Variants in CRPPA observed in about 807,000 individuals in gnomAD.
CRPPA encodes the protein CDP-L-ribitol pyrophosphorylase A, also known as D-ribitol-5-phosphate cytidylyltransferase.
In CRPPA, 43 loss-of-function variants were observed where a neutral mutation model predicts 52.0. The ratio of observed to expected loss-of-function variants is 0.83; its 90% CI spans 0.65 to 1.07. The LOEUF (loss-of-function observed/expected upper bound fraction) is 1.07. CRPPA is among the 50% of genes least tolerant of loss of function. The pLI is 0.00. For missense variants in CRPPA, 629 were observed against 551.7 expected, an observed-to-expected ratio of 1.14 and a Z score of -1.40; for synonymous variants, 250 against 203.5, an observed-to-expected ratio of 1.23 and a Z score of -1.94.
intron 3 of CRPPA, among the ~76,000 whole-genome samples, chr7:16,368,979 A>G (rs988487143): frequency 2.6e-5 from 4 of 152,182 alleles, no homozygotes; most frequent in Non-Finnish European, 4.4e-5. Context: ...GTCTACATAT[A>G]TGTATACACA....
chr7:16,175,678 G>C (rs1308920754), intron 9 of CRPPA, among the ~76,000 whole-genome samples: 1 of 152,012 alleles, frequency 6.6e-6, no homozygotes, highest in Non-Finnish European at 1.5e-5. Flanking sequence ...TTCTATGCTA[G>C]TCTACAAAGT....
chr7:16,312,715 G>A (rs1315966483), intron 3 of CRPPA, among the ~76,000 whole-genome samples: 1 of 151,910 alleles, frequency 6.6e-6, no homozygotes, highest in African/African-American at 2.4e-5. Flanking sequence ...AATGTTAGCT[G>A]CAGGTGTTCT....
chr7:16,290,878 A>G (rs1241406031), intron 5 of CRPPA, among the ~76,000 whole-genome samples: 1 of 152,072 alleles, frequency 6.6e-6, no homozygotes, highest in East Asian at 1.9e-4. Flanking sequence ...GATATTTGCA[A>G]ACTTTCATTC....
chr7:16,295,162 A>G (rs1784645827), intron 5 of CRPPA, among the ~76,000 whole-genome samples: 1 of 152,120 alleles, frequency 6.6e-6, no homozygotes, highest in Admixed American at 6.6e-5. Flanking sequence ...CTATCGGTAT[A>G]GTTTTTCAGA....
chr7:16,384,039 T>C (rs1008962056), intron 2 of CRPPA, among the ~76,000 whole-genome samples: 10 of 152,154 alleles, frequency 6.6e-5, no homozygotes, highest in Admixed American at 6.5e-4. Flanking sequence ...CCTAGTGAGA[T>C]GAACCCAGTA....
At chr7:16,315,180 T>C (rs1785119024) in intron 3 of CRPPA, among the ~76,000 whole-genome samples, 1 of 152,174 alleles carries the variant, frequency 6.6e-6, no homozygotes, top group African/African-American at 2.4e-5. Context: ...ATTCTTCATT[T>C]TTATGATAGT....
At position 16,306,209 on chromosome 7, in the gene CRPPA, T is replaced by G. The variant is rs1168347239; in HGVS notation, c.789+2314A>C. ...CATCTGCAAAGACACTATTTCCAAA[T>G]AAGGTCACATTCACAGGTGCCACGG... is the stretch of plus-strand genomic sequence containing the variant. On this transcript the variant is annotated intron_variant, in intron 4 of 9. Coordinates refer to ENST00000407010, the MANE Select transcript of CRPPA (RefSeq NM_001101426.4). 2.0e-5 allele frequency among the ~76,000 whole-genome samples: 3 copies of G among 152,216 alleles called. No individual in the cohort carries two copies. In the South Asian group the frequency reaches 6.2e-4, roughly 31 times the overall value.
chr7:16,205,515 A>G (rs2128394651), intron 9 of CRPPA, among the ~76,000 whole-genome samples: 1 of 152,304 alleles, frequency 6.6e-6, no homozygotes, highest in South Asian at 2.1e-4. Context: ...CGATACCTTC[A>G]TTATTAAAAT....
chr7:16,297,140 A>C (rs1784690659), intron 5 of CRPPA, among the ~76,000 whole-genome samples: 2 of 152,184 alleles, frequency 1.3e-5, no homozygotes, highest in African/African-American at 4.8e-5. Flanking sequence ...ACCTGAGCTT[A>C]AATAATGGAT....
intron 2 of CRPPA, among the ~76,000 whole-genome samples, chr7:16,399,321 C>G (rs1451789533): frequency 6.6e-6 from 1 of 152,172 alleles, no homozygotes; most frequent in Non-Finnish European, 1.5e-5. Flanking sequence ...ACGTGACCAA[C>G]ACGTGACCAG....
chr7:16,323,084 A>C (rs1253422836), intron 3 of CRPPA, among the ~76,000 whole-genome samples: 1 of 152,146 alleles, frequency 6.6e-6, no homozygotes, highest in Non-Finnish European at 1.5e-5. Flanking sequence ...CATGGAGATT[A>C]TGGAGATTAC....
intron 3 of CRPPA, among the ~76,000 whole-genome samples, chr7:16,328,356 A>T (rs1427292965): frequency 1.3e-5 from 2 of 152,198 alleles, no homozygotes; most frequent in South Asian, 2.1e-4. Context: ...TACATTCTAA[A>T]ACTACCAGTC....
At chr7:16,368,922 C>A (rs979333290) in intron 3 of CRPPA, among the ~76,000 whole-genome samples, 2 of 152,080 alleles carry the variant, frequency 1.3e-5, no homozygotes, top group Non-Finnish European at 2.9e-5. Flanking sequence ...TAACTCACAT[C>A]AAATCTGTTT....
chr7:16,406,971 T>C (rs1413528661), intron 1 of CRPPA, among the ~76,000 whole-genome samples: 1 of 152,214 alleles, frequency 6.6e-6, no homozygotes, highest in Non-Finnish European at 1.5e-5. Context: ...CATAAAGCAA[T>C]GTTTCTCTTG....
intron 9 of CRPPA, among the ~76,000 whole-genome samples, chr7:16,175,409 A>C (rs1040887480): frequency 2.6e-5 from 4 of 152,102 alleles, no homozygotes; most frequent in Non-Finnish European, 2.9e-5. Context: ...TTTTTAAAAT[A>C]AATAATCTTT....
chr7:16,128,740 T>C (rs995518875), intron 9 of CRPPA, among the ~76,000 whole-genome samples: 3 of 152,148 alleles, frequency 2.0e-5, no homozygotes, highest in Non-Finnish European at 4.4e-5. Context: ...TTCAGTAGAA[T>C]TCTGTAATGG....
intron 6 of CRPPA, among the ~76,000 whole-genome samples, chr7:16,274,163 C>A (rs889752214): frequency 1.3e-5 from 2 of 152,186 alleles, no homozygotes; most frequent in African/African-American, 2.4e-5. Flanking sequence ...CATTCTCCTG[C>A]CTCAGCCTCC....
intron 9 of CRPPA, among the ~76,000 whole-genome samples, chr7:16,110,241 G>A (rs1466780775): frequency 2.0e-5 from 3 of 151,934 alleles, no homozygotes; most frequent in South Asian, 4.2e-4. Flanking sequence ...CCTATATAGT[G>A]AAAACTGTAA....
chr7:16,163,544 T>C (rs548096803), intron 9 of CRPPA, among the ~76,000 whole-genome samples: 2 of 152,310 alleles, frequency 1.3e-5, no homozygotes, highest in South Asian at 4.1e-4. Context: ...ATGTGTGAAT[T>C]TGATCCTGTC....
Sources: allele counts gnomAD v4.1 joint callset (sites outside exome capture counted in the v4.1 genomes callset), GRCh38; gene constraint gnomAD v4.1.1; transcripts MANE v1.5; gene names NCBI Gene and HGNC (gene_info 2026-07-23, HGNC 2026-07-21).